GPHN: variants seen among roughly 807,000 people sequenced by gnomAD.
The protein encoded by GPHN is gephyrin.
GPHN carries 17 observed loss-of-function variants against 95.5 expected under a neutral mutation model. The observed-to-expected ratio is 0.18, with a 90% CI of 0.12 to 0.27. GPHN has a LOEUF of 0.27. Ranked by LOEUF, GPHN falls within the 10% of genes least tolerant of loss-of-function variation. The probability of loss-of-function intolerance (pLI) is 1.00; values close to 1 mark genes in which losing one functional copy is unlikely to be tolerated. For missense variants in GPHN, 660 were observed against 978.1 expected, an observed-to-expected ratio of 0.67 and a Z score of 4.34; for synonymous variants, 320 against 322.5, an observed-to-expected ratio of 0.99 and a Z score of 0.08.
chr14:66,530,680 C>T (rs1390750376), intron 1 of GPHN, among the ~76,000 whole-genome samples: 1 of 152,134 alleles, frequency 6.6e-6, no homozygotes, highest in African/African-American at 2.4e-5. Context: ...CCTTACAGCA[C>T]AGTCCCTCAG....
chr14:66,788,251 G>C lies in GPHN; in HGVS notation c.201+11730G>C, dbSNP rs553400204. Among the ~76,000 whole-genome samples the C allele has an allele frequency of 2.5e-3, 375 of 152,354 alleles. 2 individuals are homozygous for C. The highest frequency in any genetic ancestry group is 7.8e-3 in the African/African-American group (324 of 41,590). ...TTGAACCCAGGTGGCGGAAGTTGCA[G>C]TGAGCCAAAATGGCACCACTGCACT... On this transcript the variant is annotated intron_variant, in intron 3 of 22. Coordinates refer to ENST00000478722, the MANE Select transcript of GPHN (RefSeq NM_020806.5).
the GPHN span, chr14:67,350,470 G>C: frequency 1.7e-6 from 1 of 605,326 alleles, no homozygotes; most frequent in Non-Finnish European, 2.7e-6. Flanking sequence ...TAAGGTGATG[G>C]GGTTAAAAGA....
At chr14:67,436,100 A>G in the GPHN span, among the ~76,000 whole-genome samples, 1 of 152,236 alleles carries the variant, frequency 6.6e-6, no homozygotes, top group Admixed American at 6.5e-5. Flanking sequence ...TACTTCCCAC[A>G]GAAGCCTCTT....
At chr14:67,341,203 G>A in the GPHN span, among the ~76,000 whole-genome samples, 1 of 151,894 alleles carries the variant, frequency 6.6e-6, no homozygotes, top group Admixed American at 6.6e-5. Context: ...GTCTGTGACT[G>A]GCCGCCATCC....
At chr14:67,070,251 C>T (rs940075208) in intron 11 of GPHN, among the ~76,000 whole-genome samples, 2 of 151,116 alleles carry the variant, frequency 1.3e-5, no homozygotes, top group Non-Finnish European at 2.9e-5. Flanking sequence ...CTTAATCCCT[C>T]AATATATTTT....
At chr14:67,717,252 T>TA in the GPHN span, among the ~76,000 whole-genome samples, 1 of 152,228 alleles carries the variant, frequency 6.6e-6, no homozygotes, top group Admixed American at 6.5e-5. Context: ...TGTTGAGAGA[T>TA]AGAACATTTC....
chr14:66,990,475 G>A (rs368856578), intron 9 of GPHN, among the ~76,000 whole-genome samples: 3 of 152,064 alleles, frequency 2.0e-5, no homozygotes, highest in Admixed American at 6.6e-5. Context: ...TGTTGGTCGC[G>A]TCTTCTACCC....
chr14:66,895,470 C>T (rs537185096), intron 5 of GPHN, among the ~76,000 whole-genome samples: 1 of 152,114 alleles, frequency 6.6e-6, no homozygotes, highest in East Asian at 1.9e-4. Flanking sequence ...AACAAACCTG[C>T]ACATTGTGCA....
chr14:67,375,783 G>A, the GPHN span, among the ~76,000 whole-genome samples: 5 of 152,060 alleles, frequency 3.3e-5, no homozygotes, highest in Non-Finnish European at 5.9e-5. Context: ...TGTTTTTTTA[G>A]AAATACAGAC....
At chr14:67,387,234 C>G in the GPHN span, 2 of 1,254,258 alleles carry the variant, frequency 1.6e-6, no homozygotes, top group Admixed American at 2.5e-5. Flanking sequence ...ACAAAACTTA[C>G]AAAGAAGTCA....
chr14:67,593,666 G>T, the GPHN span: 1 of 819,650 alleles, frequency 1.2e-6, no homozygotes, highest in Non-Finnish European at 2.1e-6. Flanking sequence ...TACGGTTTTA[G>T]TTTAAATCTG....
chr14:66,886,513 A>G (rs964611369), intron 5 of GPHN, among the ~76,000 whole-genome samples: 1 of 152,140 alleles, frequency 6.6e-6, no homozygotes, highest in African/African-American at 2.4e-5. Flanking sequence ...TTATGGATGA[A>G]AAACATGTAT....
chr14:66,933,033 TTAAC>T (rs981825393), intron 8 of GPHN, among the ~76,000 whole-genome samples: 13 of 152,358 alleles, frequency 8.5e-5, no homozygotes, highest in African/African-American at 2.9e-4. Context: ...TTCTCATTGA[TTAAC>T]TATTTATTAG....
chr14:67,423,134 G>A, the GPHN span, among the ~76,000 whole-genome samples: 66 of 151,922 alleles, frequency 4.3e-4, no homozygotes, highest in Middle Eastern at 6.8e-3. Context: ...AGCGGTGGCC[G>A]GTTTTCCCCC....
rs74722603 is a variant in GPHN, at chr14:66,974,419, C to T, written c.963+9094C>T. Among the ~76,000 whole-genome samples, 1,073 of 151,726 alleles carry T rather than the reference C, an allele frequency of 7.1e-3. 5 individuals are homozygous for T. The highest frequency in any genetic ancestry group is 0.025 in the African/African-American group (1,024 of 41,382). On this transcript the variant is annotated intron_variant, in intron 9 of 22. Transcript: ENST00000478722. ...AATGATAATTGAAAATGAAACTTCCCCATCTATTTCTAATTATTTAATGGT... is the reference window on the plus strand; with the variant it reads ...AATGATAATTGAAAATGAAACTTCCTCATCTATTTCTAATTATTTAATGGT...
intron 2 of GPHN, among the ~76,000 whole-genome samples, 158 bp downstream of exon 2, chr14:66,681,343 AG>A (rs1473419022): frequency 6.6e-6 from 1 of 152,204 alleles, no homozygotes; most frequent in African/African-American, 2.4e-5. Flanking sequence ...AGAACAGTTC[AG>A]AAATAGAATA....
chr14:66,771,357 T>C (rs1461542272), intron 2 of GPHN, among the ~76,000 whole-genome samples: 1 of 152,216 alleles, frequency 6.6e-6, no homozygotes, highest in Admixed American at 6.5e-5. Flanking sequence ...CTTCTCGTCA[T>C]ATTGTCTTTT....
the GPHN span, among the ~76,000 whole-genome samples, chr14:67,572,950 C>T: frequency 2.6e-5 from 4 of 152,296 alleles, no homozygotes; most frequent in Admixed American, 2.0e-4. Context: ...ACTATCCTAA[C>T]AAGGCCAGCT....
the GPHN span, among the ~76,000 whole-genome samples, chr14:67,248,937 G>T: frequency 1.3e-4 from 19 of 151,984 alleles, no homozygotes; most frequent in African/African-American, 4.6e-4. Flanking sequence ...TGGGATTACA[G>T]GCATGAGCCA....
Sources: gnomAD v4.1 joint callset for allele counts (sites outside exome capture counted in the v4.1 genomes callset) on GRCh38, gnomAD v4.1.1 for gene constraint, MANE v1.5 for transcripts, NCBI Gene and HGNC (gene_info 2026-07-23, HGNC 2026-07-21) for gene names.